The following WWC2 variants were observed in gnomAD, a reference collection of about 807,000 sequenced individuals.
WWC2 encodes protein WWC2.
In WWC2, 101 loss-of-function variants were observed where a neutral mutation model predicts 138.5. The ratio of observed to expected loss-of-function variants is 0.73; its 90% CI spans 0.62 to 0.86. WWC2 has a LOEUF of 0.86. Among genes scored for constraint, WWC2 ranks in the 40% least tolerant of loss-of-function variants. The probability of loss-of-function intolerance (pLI) is 0.00; values close to 1 mark genes in which losing one functional copy is unlikely to be tolerated. For synonymous variants in WWC2, 558 were observed against 538.4 expected, an observed-to-expected ratio of 1.04 and a Z score of -0.50; for missense variants, 1,420 against 1,419.4, an observed-to-expected ratio of 1.00 and a Z score of -0.01.
intron 9 of WWC2, among the ~76,000 whole-genome samples, chr4:183,256,887 C>A (rs1484851081): frequency 2.9e-4 from 4 of 13,766 alleles, no homozygotes; most frequent in Non-Finnish European, 7.1e-4. Flanking sequence ...TCCTACAGCC[C>A]CCCCCCCCCC....
At chr4:183,140,587 G>A (rs1579979315) in intron 1 of WWC2, among the ~76,000 whole-genome samples, 1 of 152,152 alleles carries the variant, frequency 6.6e-6, no homozygotes, top group African/African-American at 2.4e-5. Context: ...TAAACTATTA[G>A]AACTTTTCAG....
chr4:183,102,842 A>G (rs1579936670), intron 1 of WWC2, among the ~76,000 whole-genome samples: 1 of 149,032 alleles, frequency 6.7e-6, no homozygotes, highest in Admixed American at 6.7e-5. Context: ...ATGGTAGGCC[A>G]TAGGTCTTGG....
chr4:183,295,883 G>A (rs1431382936), intron 21 of WWC2, among the ~76,000 whole-genome samples: 1 of 152,186 alleles, frequency 6.6e-6, no homozygotes, highest in Admixed American at 6.5e-5. Flanking sequence ...GGAATGTGAG[G>A]CATGTTTCTC....
intron 5 of WWC2, among the ~76,000 whole-genome samples, chr4:183,240,983 C>A (rs1736598762): frequency 6.6e-6 from 1 of 152,198 alleles, no homozygotes; most frequent in South Asian, 2.1e-4. Context: ...CCTATCCAAA[C>A]CGTGACAGGC....
Position 183,260,933 on chromosome 4 carries a change from T to C in WWC2, c.1310T>C (p.Met437Thr). 1 of 1,613,888 alleles carries C rather than the reference T, an allele frequency of 6.2e-7. No homozygotes were observed. The change falls in exon 11 of 23, where the codon ATG becomes ACG. Residue 437 changes from methionine (M) to threonine (T), a missense_variant. By Grantham distance (81) the Met-to-Thr change is moderately conservative. Transcript: ENST00000403733. Reference sequence around the variant, plus strand: ...AGCCTCTCTGCCAGCACCCTGTCCATGTCATCTGGGAGCAGCCTGGGTTCC... The same window carrying C: ...AGCCTCTCTGCCAGCACCCTGTCCACGTCATCTGGGAGCAGCCTGGGTTCC... Reference protein sequence around the residue: ...LKSLSASTLSMSSGSSLGSLA... With the variant: ...LKSLSASTLSTSSGSSLGSLA...
intron 8 of WWC2, 108 bp downstream of exon 8, chr4:183,250,101 A>C: frequency 1.0e-6 from 1 of 988,242 alleles, no homozygotes; most frequent in Admixed American, 2.4e-5. Flanking sequence ...CATTCTTACC[A>C]AGGCCACCCT....
In WWC2 at chr4:183,193,678, A is replaced by G; in HGVS notation, c.211A>G (p.Ile71Val). 6.2e-7 allele frequency: 1 copy of G among 1,613,862 alleles called. No homozygotes were observed. The highest frequency in any genetic ancestry group is 8.5e-7 in the Non-Finnish European group (1 of 1,179,858). Reference sequence around the variant, plus strand: ...ATGGGAAGCAGGGTTTGACCCTCAGATTGGTGTCTACTACATCGATCACAT... The same window carrying G: ...ATGGGAAGCAGGGTTTGACCCTCAGGTTGGTGTCTACTACATCGATCACAT... ...WGWEAGFDPQ[I>V]GVYYIDHINK... Residue 71 changes from isoleucine (I) to valine (V), a missense_variant, in exon 2 of 23, where the codon ATT becomes GTT. Ile to Val is a conservative substitution (Grantham distance 29, BLOSUM62 3). Coordinates refer to ENST00000403733, the MANE Select transcript of WWC2 (RefSeq NM_024949.6).
chr4:183,285,918 C>T, intron 19 of WWC2, 49 bp from the exon 20 acceptor site: 2 of 1,504,012 alleles, frequency 1.3e-6, no homozygotes, highest in Non-Finnish European at 1.8e-6. Context: ...CTTCCACTTG[C>T]ACTCTGTTTG....
rs1167625429 is a variant in WWC2, at chr4:183,245,982, GT to G, written c.732+441del. Among the ~76,000 whole-genome samples, 25 of 152,330 alleles carry G rather than the reference GT, an allele frequency of 1.6e-4. No homozygotes were observed. In the Middle Eastern group the frequency reaches 0.01, roughly 62 times the overall value. ...GAGGCTATGTGAGGAGCTTAGAAAAGTTTTCCGACCCAGTTGATTCTGGGGT... is the reference window on the plus strand; with the variant it reads ...GAGGCTATGTGAGGAGCTTAGAAAAGTTTCCGACCCAGTTGATTCTGGGGT... On this transcript the variant is annotated intron_variant, in intron 6 of 22. Transcript: ENST00000403733.
At chr4:183,265,517 C>T (rs1737472969) in intron 12 of WWC2, among the ~76,000 whole-genome samples, 171 bp from the exon 13 acceptor site, 1 of 152,214 alleles carries the variant, frequency 6.6e-6, no homozygotes, top group Non-Finnish European at 1.5e-5. Flanking sequence ...GCGGGCTCTT[C>T]TTGAAAAGAG....
intron 4 of WWC2, among the ~76,000 whole-genome samples, chr4:183,237,931 C>G (rs983545305): frequency 1.3e-5 from 2 of 152,078 alleles, no homozygotes; most frequent in African/African-American, 4.8e-5. Context: ...CTCTAGTAGA[C>G]ATGTGAATAA....
intron 1 of WWC2, among the ~76,000 whole-genome samples, chr4:183,160,514 G>A (rs745928982): frequency 6.6e-6 from 1 of 152,094 alleles, no homozygotes; most frequent in African/African-American, 2.4e-5. Flanking sequence ...ATAAAATCAA[G>A]TCACTATGTT....
rs1739617205 is a variant in WWC2 at position 183,320,642 on chromosome 4, A to G, written c.*4913A>G. On this transcript the variant is annotated 3_prime_UTR_variant, in exon 23 of 23. Coordinates refer to ENST00000403733, the MANE Select transcript of WWC2 (RefSeq NM_024949.6). ...ACTCCTCCTGCTTTGTGTTTCACTA[A>G]CTGCACCTGTCAGATTTTCATCTCT... 1 of 195,426 alleles carries G rather than the reference A, an allele frequency of 5.1e-6. No homozygotes were observed. Among genetic ancestry groups the G allele is most frequent in the Non-Finnish European group, 1.2e-5 (1 of 84,202 alleles). The allele number at this position is 195,426 out of a possible 1,614,324, so 12.1% of individuals were successfully genotyped here.
At chr4:183,236,902 C>CT (rs1455831526) in intron 4 of WWC2, among the ~76,000 whole-genome samples, 2 of 151,992 alleles carry the variant, frequency 1.3e-5, no homozygotes, top group Non-Finnish European at 2.9e-5. Flanking sequence ...TCTATCTTAC[C>CT]TTTTTTTGTG....
intron 2 of WWC2, chr4:183,203,609 A>G (rs576254936): frequency 5.6e-4 from 86 of 152,272 alleles, no homozygotes; most frequent in African/African-American, 2.0e-3. Flanking sequence ...TTCAGGTATG[A>G]TATGACATCA....
intron 2 of WWC2, among the ~76,000 whole-genome samples, chr4:183,204,757 C>T (rs941990102): frequency 2.0e-5 from 3 of 152,152 alleles, no homozygotes; most frequent in Admixed American, 6.5e-5. Flanking sequence ...TTTCTTCTTG[C>T]TCTGTTGTAA....
chr4:183,245,625 C>T, intron 6 of WWC2, 80 bp downstream of exon 6: 1 of 1,424,590 alleles, frequency 7.0e-7, no homozygotes, highest in South Asian at 1.5e-5. Flanking sequence ...AGAAGTGCTC[C>T]CTCAGAGTCT....
chr4:183,203,728 C>T (rs892860373), intron 2 of WWC2: 2 of 152,152 alleles, frequency 1.3e-5, no homozygotes, highest in East Asian at 3.8e-4. Context: ...ACCAGAGCTG[C>T]GTATTTATTC....
At chr4:183,129,914 C>CTT (rs1435031290) in intron 1 of WWC2, among the ~76,000 whole-genome samples, 1 of 152,214 alleles carries the variant, frequency 6.6e-6, no homozygotes, top group African/African-American at 2.4e-5. Flanking sequence ...ACAGCTCCCT[C>CTT]TTTTCTCTTC....
Sources: allele counts gnomAD v4.1 joint callset (sites outside exome capture counted in the v4.1 genomes callset), GRCh38; gene constraint gnomAD v4.1.1; transcripts MANE v1.5; gene names NCBI Gene and HGNC (gene_info 2026-07-23, HGNC 2026-07-21).